The following SLC5A4 variants were observed in gnomAD, a reference collection of about 807,000 sequenced individuals.
SLC5A4 encodes the protein probable glucose sensor protein SLC5A4.
SLC5A4 carries 55 observed loss-of-function variants against 70.3 expected under a neutral mutation model. That is an observed-to-expected ratio of 0.78 (90% CI 0.63 to 0.98). The LOEUF (loss-of-function observed/expected upper bound fraction) is 0.98. Ranked by LOEUF, SLC5A4 falls within the 50% of genes least tolerant of loss-of-function variation. The probability of loss-of-function intolerance (pLI) is 0.00; values close to 1 mark genes in which losing one functional copy is unlikely to be tolerated. For missense variants in SLC5A4, 735 were observed against 839.2 expected (o/e 0.88, Z 1.53); for synonymous variants, 268 against 305.7 (o/e 0.88, Z 1.29).
chr22:32,329,513 G>T, the SLC5A4 span, among the ~76,000 whole-genome samples: 2 of 125,620 alleles, frequency 1.6e-5, no homozygotes, highest in Non-Finnish European at 3.4e-5. Flanking sequence ...CAGTGGGGGT[G>T]TGTGTGTGTT....
At position 32,225,750 on chromosome 22, in the gene SLC5A4, G is replaced by A. The variant is rs771329603; in HGVS notation, c.1354C>T (p.Leu452=). The stretch of plus-strand genomic sequence containing the variant: ...GAAATTGATTCTGTGTAATGGATTA[G>A]TTGTCCATTTTGAGAAACTTGTACC... The part of the protein sequence containing the change: ...PLVQVSQNGQ[L]IHYTESISSY... The change falls in exon 12 of 15, where the codon CTA becomes TTA. Residue 452 remains leucine (L), a synonymous_variant. Transcript: ENST00000266086. 4.1e-5 allele frequency: 66 copies of A among 1,609,260 alleles called. No individual in the cohort carries two copies. The East Asian group carries it at 9.4e-4, about 23-fold the overall frequency.
At chr22:32,321,226 C>T in the SLC5A4 span, among the ~76,000 whole-genome samples, 5 of 152,302 alleles carry the variant, frequency 3.3e-5, no homozygotes, top group South Asian at 2.1e-4. Flanking sequence ...GCGGAGGTTG[C>T]GGTGAGCTGA....
chr22:32,298,276 T>C, the SLC5A4 span, among the ~76,000 whole-genome samples: 1 of 135,544 alleles, frequency 7.4e-6, no homozygotes, highest in African/African-American at 2.8e-5. Context: ...CCATTATTAA[T>C]GTGTGGGAGT....
chr22:32,308,092 G>C, the SLC5A4 span, among the ~76,000 whole-genome samples: 4 of 152,020 alleles, frequency 2.6e-5, no homozygotes, highest in East Asian at 3.9e-4. Context: ...TACCTACCTA[G>C]AGTCACTCTG....
chr22:32,324,297 A>T, the SLC5A4 span, among the ~76,000 whole-genome samples: 4 of 149,404 alleles, frequency 2.7e-5, no homozygotes, highest in Admixed American at 2.1e-4. Context: ...ATATACGTAT[A>T]TATACTAGAT....
At chr22:32,337,651 T>TGCACAGGG in the SLC5A4 span, among the ~76,000 whole-genome samples, 1,005 of 152,406 alleles carry the variant, frequency 6.6e-3, 10 homozygotes, top group African/African-American at 0.023. Flanking sequence ...TGAACACTTA[T>TGCACAGGG]GCACAGGGGC....
At chr22:32,279,489 CA>C in the SLC5A4 span, among the ~76,000 whole-genome samples, 1 of 151,470 alleles carries the variant, frequency 6.6e-6, no homozygotes, top group African/African-American at 2.4e-5. Flanking sequence ...ACAAGAGACA[CA>C]AAAAAAATGT....
At chr22:32,271,506 C>T in the SLC5A4 span, 4 of 722,536 alleles carry the variant, frequency 5.5e-6, no homozygotes, top group African/African-American at 5.2e-5. Flanking sequence ...CATCAGCTTC[C>T]GTGAGAAGAA....
chr22:32,305,935 G>A, the SLC5A4 span, among the ~76,000 whole-genome samples: 1 of 151,712 alleles, frequency 6.6e-6, no homozygotes, highest in Non-Finnish European at 1.5e-5. Flanking sequence ...CCCTTTAGAG[G>A]TGGCGTCCAC....
the SLC5A4 span, chr22:32,270,090 G>A: frequency 2.0e-6 from 1 of 506,748 alleles, no homozygotes; most frequent in Non-Finnish European, 3.8e-6. Context: ...TGGACACATG[G>A]CCAGCTGGTC....
At chr22:32,349,623 G>A in the SLC5A4 span, among the ~76,000 whole-genome samples, 17 of 152,164 alleles carry the variant, frequency 1.1e-4, no homozygotes, top group East Asian at 1.9e-4. Context: ...ATTCCCCAAA[G>A]ATTACTGAAA....
the SLC5A4 span, among the ~76,000 whole-genome samples, chr22:32,336,348 C>T: frequency 1.3e-5 from 2 of 152,218 alleles, no homozygotes; most frequent in Admixed American, 6.5e-5. Flanking sequence ...TTTGTGGAAG[C>T]GTCTTTTTGT....
the SLC5A4 span, among the ~76,000 whole-genome samples, chr22:32,354,205 C>T: frequency 5.1e-5 from 7 of 138,406 alleles, no homozygotes; most frequent in Admixed American, 1.5e-4. Context: ...ACCCCCTCTA[C>T]ACGGGCAGTC....
At chr22:32,316,229 A>G in the SLC5A4 span, among the ~76,000 whole-genome samples, 1 of 152,154 alleles carries the variant, frequency 6.6e-6, no homozygotes, top group African/African-American at 2.4e-5. Context: ...AAAATAGTTA[A>G]AATGGTAAAT....
In SLC5A4 at chr22:32,238,954, C is replaced by A. The variant is rs5998332; in HGVS notation, c.583+31G>T. On this transcript the variant is annotated intron_variant, in intron 6 of 14. Transcript: ENST00000266086. The stretch of plus-strand genomic sequence containing the variant: ...TTGGGGTGGGATCAGCAAAAGATAG[C>A]CTGAGTGAGCAAAATATGCAACATA... The A allele has an allele frequency of 1.9e-3, 2,915 of 1,508,782 alleles. 50 individuals carry two copies. The African/African-American group carries it at 0.033, about 17-fold the overall frequency. The allele number at this position is 1,508,782 out of a possible 1,614,324, so 93.5% of individuals were successfully genotyped here. A position where few individuals can be genotyped will look rare whatever the true frequency, so the allele number is the denominator to read the frequency against.
chr22:32,309,617 G>A, the SLC5A4 span, among the ~76,000 whole-genome samples: 1 of 152,140 alleles, frequency 6.6e-6, no homozygotes, highest in Admixed American at 6.5e-5. Flanking sequence ...GGACCCACGG[G>A]GTTTTCAGGA....
At chr22:32,322,681 C>G in the SLC5A4 span, among the ~76,000 whole-genome samples, 2 of 152,142 alleles carry the variant, frequency 1.3e-5, no homozygotes, top group Non-Finnish European at 2.9e-5. Context: ...TGGGTGGAGC[C>G]CTCGGTTGCA....
chr22:32,322,547 C>G, the SLC5A4 span, among the ~76,000 whole-genome samples: 3 of 150,372 alleles, frequency 2.0e-5, no homozygotes, highest in African/African-American at 7.4e-5. Context: ...TATTGCGCCA[C>G]TGCACTCCAG....
At chr22:32,354,556 G>A in the SLC5A4 span, among the ~76,000 whole-genome samples, 2 of 151,504 alleles carry the variant, frequency 1.3e-5, no homozygotes, top group Admixed American at 6.6e-5. Flanking sequence ...CTTCCAACTC[G>A]CCCGCCGGCC....
Sources: gnomAD v4.1 joint callset for allele counts (sites outside exome capture counted in the v4.1 genomes callset) on GRCh38, gnomAD v4.1.1 for gene constraint, MANE v1.5 for transcripts, NCBI Gene and HGNC (gene_info 2026-07-23, HGNC 2026-07-21) for gene names.